ESRRG: variants seen among roughly 807,000 people sequenced by gnomAD.
ESRRG encodes estrogen related receptor gamma, also known as estrogen-related receptor gamma.
ESRRG carries 13 observed loss-of-function variants against 44.0 expected under a neutral mutation model. The observed-to-expected ratio is 0.30, with a 90% CI of 0.19 to 0.47. The LOEUF (loss-of-function observed/expected upper bound fraction) is 0.47, where lower values mean the gene tolerates loss of function less well. Ranked by LOEUF, ESRRG falls within the 20% of genes least tolerant of loss-of-function variation. The pLI, the probability that ESRRG is intolerant of heterozygous loss-of-function variation, is 1.00. For synonymous variants in ESRRG, 215 were observed against 214.6 expected (o/e 1.00, Z -0.02); for missense variants, 395 against 580.6 (o/e 0.68, Z 3.29).
chr1:216,647,932 A>T (rs1056834031), intron 3 of ESRRG, among the ~76,000 whole-genome samples: 1 of 152,178 alleles, frequency 6.6e-6, no homozygotes, highest in Non-Finnish European at 1.5e-5. Context: ...TTTTGTTTAA[A>T]TAGATTTTGT....
chr1:216,519,829 G>A (rs3068330), intron 5 of ESRRG, among the ~76,000 whole-genome samples: 72,460 of 140,796 alleles, frequency 0.51, 19,869 homozygotes, highest in East Asian at 0.72. Context: ...AAAAAAAAAA[G>A]AAGAAGAAGG....
intron 3 of ESRRG, among the ~76,000 whole-genome samples, chr1:216,622,892 A>G (rs1305469569): frequency 6.6e-6 from 1 of 152,060 alleles, no homozygotes; most frequent in African/African-American, 2.4e-5. Flanking sequence ...CATTTATTAG[A>G]GATATGGAAA....
intron 1 of ESRRG, among the ~76,000 whole-genome samples, chr1:217,052,982 C>T (rs778863820): frequency 6.6e-6 from 1 of 152,078 alleles, no homozygotes; most frequent in Non-Finnish European, 1.5e-5. Context: ...CAACTTCCTT[C>T]ATTCATTCTT....
At chr1:216,790,598 G>A (rs1469161382) in intron 2 of ESRRG, among the ~76,000 whole-genome samples, 1 of 152,116 alleles carries the variant, frequency 6.6e-6, no homozygotes, top group Admixed American at 6.6e-5. Flanking sequence ...AAATCATGGT[G>A]TAAGATTAAA....
At chr1:216,509,248 T>C (rs184444681) in intron 6 of ESRRG, among the ~76,000 whole-genome samples, 121 of 152,290 alleles carry the variant, frequency 7.9e-4, no homozygotes, top group African/African-American at 2.8e-3. Context: ...TCTAAACACA[T>C]CCTATTCAAA....
intron 6 of ESRRG, among the ~76,000 whole-genome samples, chr1:216,514,370 T>C (rs2043561525): frequency 6.6e-6 from 1 of 152,158 alleles, no homozygotes; most frequent in Non-Finnish European, 1.5e-5. Context: ...ACTTATGGTT[T>C]GTTCTGGGTA....
chr1:216,619,466 C>T (rs1308987300), intron 3 of ESRRG, among the ~76,000 whole-genome samples: 2 of 152,134 alleles, frequency 1.3e-5, no homozygotes, highest in Non-Finnish European at 2.9e-5. Context: ...AGTAAGATCT[C>T]TTACCTTCAT....
intron 1 of ESRRG, among the ~76,000 whole-genome samples, chr1:216,678,714 C>G (rs556214060): frequency 1.3e-5 from 2 of 152,224 alleles, no homozygotes; most frequent in South Asian, 4.1e-4. Flanking sequence ...CTTCTGAGAG[C>G]CCACTACAGA....
At chr1:217,041,530 T>C (rs1279083038) in intron 1 of ESRRG, among the ~76,000 whole-genome samples, 1 of 152,212 alleles carries the variant, frequency 6.6e-6, no homozygotes, top group African/African-American at 2.4e-5. Context: ...ATGCCATGTA[T>C]GACAGTAAAG....
At position 216,730,329 on chromosome 1, in the gene ESRRG, AAAAG is replaced by A. The variant is rs1183736325; in HGVS notation, c.-13-52842_-13-52839del. Reference sequence around the variant, plus strand: ...GTAAAAAAAAAAAAAAAAAGAAAGAAAAAGAAAGAAAGAAAGAAAAAAAGGTACA... The same window carrying A: ...GTAAAAAAAAAAAAAAAAAGAAAGAAAAAGAAAGAAAGAAAAAAAGGTACA... On this transcript the variant is annotated intron_variant, in intron 2 of 7. Transcript: ENST00000359162. Among the ~76,000 whole-genome samples the A allele has an allele frequency of 2.6e-4, 39 of 151,554 alleles. No homozygotes were observed. In the East Asian group the frequency reaches 3.5e-3, roughly 14 times the overall value.
intron 1 of ESRRG, among the ~76,000 whole-genome samples, chr1:216,995,741 A>T (rs1291962006): frequency 6.6e-6 from 1 of 152,218 alleles, no homozygotes. Context: ...GGTTAGTAAT[A>T]TCTAGATTGT....
At chr1:217,012,816 G>A (rs935178401) in intron 1 of ESRRG, among the ~76,000 whole-genome samples, 1 of 152,080 alleles carries the variant, frequency 6.6e-6, no homozygotes, top group Non-Finnish European at 1.5e-5. Flanking sequence ...TCTATTCATA[G>A]TTTGCCCTAG....
intron 5 of ESRRG, among the ~76,000 whole-genome samples, chr1:216,538,787 T>A (rs1478301904): frequency 6.6e-6 from 1 of 152,074 alleles, no homozygotes; most frequent in African/African-American, 2.4e-5. Context: ...CTCTGAAAAG[T>A]TAAATGCACC....
chr1:216,893,257 A>T (rs1242289105), intron 2 of ESRRG, among the ~76,000 whole-genome samples: 1 of 152,126 alleles, frequency 6.6e-6, no homozygotes, highest in Non-Finnish European at 1.5e-5. Flanking sequence ...AGACAATGGA[A>T]ATCTATTGGT....
At chr1:216,987,878 G>A (rs1474112577) in intron 1 of ESRRG, among the ~76,000 whole-genome samples, 1 of 152,154 alleles carries the variant, frequency 6.6e-6, no homozygotes, top group East Asian at 1.9e-4. Flanking sequence ...CGACAGAAGA[G>A]TTAGTATACA....
chr1:216,727,214 T>C (rs1181467541), upstream of ESRRG, among the ~76,000 whole-genome samples: 1 of 152,232 alleles, frequency 6.6e-6, no homozygotes, highest in Admixed American at 6.5e-5. Flanking sequence ...TCAAATTGCC[T>C]AGTAATCTTT....
At chr1:216,548,664 T>C (rs1341124787) in intron 5 of ESRRG, among the ~76,000 whole-genome samples, 1 of 152,068 alleles carries the variant, frequency 6.6e-6, no homozygotes, top group Non-Finnish European at 1.5e-5. Context: ...TTCCAAATGT[T>C]AGAGTTTCCA....
rs77436195 is a variant in ESRRG at position 216,689,439 on chromosome 1, G to A, written c.57-11948C>T. 5.3e-5 allele frequency among the ~76,000 whole-genome samples: 8 copies of A among 152,192 alleles called. No individual in the cohort carries two copies. The East Asian group carries it at 1.5e-3, about 29-fold the overall frequency. On this transcript the variant is annotated intron_variant, in intron 1 of 6. Transcript: ENST00000408911. ...TTTCAGAAATAATTGGAGAGACTGT[G>A]ATATAAAATTTGTATTTATCACAGG... is the stretch of plus-strand genomic sequence containing the variant.
intron 2 of ESRRG, among the ~76,000 whole-genome samples, chr1:216,841,241 GGAGA>G: frequency 6.6e-6 from 1 of 152,004 alleles, no homozygotes; most frequent in East Asian, 1.9e-4. Flanking sequence ...TCAGCACAGA[GGAGA>G]GAGAGAGAAA....
Sources: gnomAD v4.1 joint callset for allele counts (sites outside exome capture counted in the v4.1 genomes callset) on GRCh38, gnomAD v4.1.1 for gene constraint, MANE v1.5 for transcripts, NCBI Gene and HGNC (gene_info 2026-07-23, HGNC 2026-07-21) for gene names.